MYO15B: variants seen among roughly 807,000 people sequenced by gnomAD.
MYO15B encodes the protein myosin XVB pseudogene.
MYO15B carries 207 observed loss-of-function variants against 119.3 expected under a neutral mutation model. The observed-to-expected ratio is 1.73, with a 90% CI of 1.55 to 1.95. The LOEUF is 1.95. MYO15B is among the 30% of genes most tolerant of loss of function. MYO15B has a pLI of 0.00. For synonymous variants in MYO15B, 966 were observed against 498.9 expected (o/e 1.94, Z -12.48); for missense variants, 2,264 against 1,203.1 (o/e 1.88, Z -13.04).
intron 23 of MYO15B, among the ~76,000 whole-genome samples, chr17:75,611,291 A>G (rs2058012631): frequency 6.6e-6 from 1 of 151,932 alleles, no homozygotes. Flanking sequence ...ACAAGACCCC[A>G]TCTCTACAAA....
In MYO15B at chr17:75,602,216, C is replaced by G. The variant is rs1598773618; in HGVS notation, c.3652-301C>G. On this transcript the variant is annotated intron_variant, in intron 15 of 63. Transcript: ENST00000645453. ...TCAAGAAAGCTAGGAAAATGTAAAT[C>G]AAAATAGATTTAATATGGAGAGACA... 6 of 476,386 alleles carry G rather than the reference C, an allele frequency of 1.3e-5. No individual in the cohort carries two copies. In the East Asian group the frequency reaches 2.4e-4, roughly 19 times the overall value. The allele number at this position is 476,386 out of a possible 1,614,324, so 29.5% of individuals were successfully genotyped here.
At chr17:75,604,585 T>A (rs1298978625) in intron 19 of MYO15B, among the ~76,000 whole-genome samples, 1 of 131,410 alleles carries the variant, frequency 7.6e-6, no homozygotes, top group African/African-American at 2.8e-5. Context: ...TGAGACCTAC[T>A]GTGTTGGGTG....
At chr17:75,599,609 G>A (rs2147817583) in intron 14 of MYO15B, among the ~76,000 whole-genome samples, 2 of 151,854 alleles carry the variant, frequency 1.3e-5, no homozygotes, top group East Asian at 3.9e-4. Context: ...GAAAGACTTG[G>A]TTAAAAGCAC....
At chr17:75,616,992 G>C (rs1345103493) in intron 40 of MYO15B, 31 bp downstream of exon 40, 1 of 702,724 alleles carries the variant, frequency 1.4e-6, no homozygotes, top group Non-Finnish European at 2.6e-6. Context: ...CCCCCAGAGT[G>C]TGTGCTGCTG....
In MYO15B at chr17:75,611,991, C is replaced by G. The variant is rs1049303320; in HGVS notation, c.4610C>G (p.Ser1537Cys). The stretch of plus-strand genomic sequence containing the variant: ...GCAGACATTGACCTGTTCCCTTTCT[C>G]CAGCTTCGTCGCCATCGGCTTTCAG... Residue 1537 changes from serine (S) to cysteine (C), a missense_variant, in exon 25 of 64, where the codon TCC becomes TGC. By Grantham distance (112) the Ser-to-Cys change is moderately radical. Transcript: ENST00000645453. The G allele has an allele frequency of 2.6e-5, 18 of 702,896 alleles. No individual in the cohort carries two copies. The Admixed American group carries it at 2.6e-4, about 10-fold the overall frequency. The allele number at this position is 702,896 out of a possible 1,614,324, so 43.5% of individuals were successfully genotyped here. A position where few individuals can be genotyped will look rare whatever the true frequency, so the allele number is the denominator to read the frequency against.
chr17:75,602,331 C>T (rs547610558), intron 15 of MYO15B, 186 bp from the exon 16 acceptor site: 1 of 696,426 alleles, frequency 1.4e-6, no homozygotes, highest in Non-Finnish European at 2.6e-6. Context: ...TGGACCTGTC[C>T]ATGGGGTGGA....
At position 75,588,489 on chromosome 17, in the gene MYO15B, G is replaced by A. The variant is rs1384536343; in HGVS notation, c.432G>A (p.Arg144=). 13 of 398,484 alleles carry A rather than the reference G, an allele frequency of 3.3e-5. No homozygotes were observed. The South Asian group carries it at 1.3e-3, about 39-fold the overall frequency. 24.7% of individuals were successfully genotyped at this position (398,484 alleles called of 1,614,324 possible). ...CTCGGCGGGGCCGCCGGACGCCCAG[G>A]AGCCTCAATGGGGACACGTCGGGTG... The change falls in exon 1 of 64, where the codon AGG becomes AGA. Residue 144 remains arginine, a synonymous_variant. Transcript: ENST00000645453.
At chr17:75,626,164 C>A in exon 63 of MYO15B, 1 of 703,086 alleles carries the variant, frequency 1.4e-6, no homozygotes, top group Non-Finnish European at 2.6e-6. Flanking sequence ...AAGGGGCCCC[C>A]TGGCCTGGAA....
intron 9 of MYO15B, among the ~76,000 whole-genome samples, chr17:75,593,866 C>G (rs1051128779): frequency 2.0e-5 from 3 of 147,840 alleles, no homozygotes; most frequent in Non-Finnish European, 4.4e-5. Flanking sequence ...TTGCAGTGAG[C>G]CAAGACTATG....
At position 75,618,179 on chromosome 17, in the gene MYO15B, T is replaced by A. The variant is rs575418732; in HGVS notation, c.6981T>A (p.Cys2327Ter). 1 of 703,152 alleles carries A rather than the reference T, an allele frequency of 1.4e-6. No individual in the cohort carries two copies. Among genetic ancestry groups the A allele is most frequent in the East Asian group, 2.7e-5 (1 of 37,296 alleles). The allele number at this position is 703,152 out of a possible 1,614,324, so 43.6% of individuals were successfully genotyped here. The change falls in exon 43 of 64, where the codon TGT (cysteine) becomes TGA (stop). Residue 2327 changes from cysteine to a stop codon, truncating the protein, a stop_gained. Coordinates refer to ENST00000645453, the Ensembl canonical transcript of MYO15B. LOFTEE classifies it high-confidence loss of function. ...ATCCCTACTACCTGAGGCTCCTCTG[T>A]GAGCAGGTGAGAGCTGGCCCACCTG...
At chr17:75,608,964 C>A (rs1017213286) in intron 21 of MYO15B, among the ~76,000 whole-genome samples, 1 of 151,498 alleles carries the variant, frequency 6.6e-6, no homozygotes, top group Non-Finnish European at 1.5e-5. Flanking sequence ...GAACTCCTGA[C>A]CTCGTGATCT....
chr17:75,592,435 C>A (rs2056534025), exon 8 of MYO15B: 2 of 619,476 alleles, frequency 3.2e-6, no homozygotes, highest in African/African-American at 1.8e-5. Flanking sequence ...AAGGCCCAGG[C>A]TGAGCGGAGC....
Position 75,614,376 on chromosome 17 carries a change from C to A in MYO15B, c.5381+16C>A. The stretch of plus-strand genomic sequence containing the variant: ...CTCTTGGCTCGTAGGTGCCACCCAG[C>A]ACCCCTCTCCCTGGCCTGCTCCTGC... On this transcript the variant is annotated intron_variant, in intron 30 of 63. Transcript: ENST00000645453. 1.4e-6 allele frequency: 1 copy of A among 700,970 alleles called. No individual in the cohort carries two copies. Among genetic ancestry groups the A allele is most frequent in the South Asian group, 1.5e-5 (1 of 67,454 alleles). The allele number at this position is 700,970 out of a possible 1,614,324, so 43.4% of individuals were successfully genotyped here.
chr17:75,598,991 C>G (rs1242851449), intron 14 of MYO15B, among the ~76,000 whole-genome samples: 1 of 152,190 alleles, frequency 6.6e-6, no homozygotes, highest in South Asian at 2.1e-4. Context: ...GGCAAGTTCC[C>G]CCATGCACTT....
chr17:75,625,757 C>G (rs1339345373), intron 61 of MYO15B, 87 bp from the exon 62 acceptor site: 3 of 701,014 alleles, frequency 4.3e-6, no homozygotes, highest in Non-Finnish European at 7.8e-6. Context: ...CCTGCCCTGT[C>G]CCTCTCAGCT....
At chr17:75,611,006 G>A (rs2057993260) in intron 23 of MYO15B, 47 bp downstream of exon 23, 1 of 702,680 alleles carries the variant, frequency 1.4e-6, no homozygotes, top group Admixed American at 2.0e-5. Flanking sequence ...CTATGAACCT[G>A]CTGAGACTGG....
Position 75,626,130 on chromosome 17 carries a change from C to T in MYO15B, c.9115C>T (p.His3039Tyr), listed in dbSNP as rs1230201379. The change falls in exon 63 of 64, where the codon CAC becomes TAC. Residue 3039 changes from histidine to tyrosine, a missense_variant. Coordinates refer to ENST00000645453, the Ensembl canonical transcript of MYO15B. ...TGCCCTGAAGAGCCTGCAGCGGCTC[C>T]ACCTGCTAAGCCCTCTGGAGGAGAA... The T allele has an allele frequency of 4.3e-5, 30 of 702,974 alleles. No individual in the cohort carries two copies. The Admixed American group carries it at 5.4e-4, about 13-fold the overall frequency. 43.5% of individuals were successfully genotyped at this position (702,974 alleles called of 1,614,324 possible).
chr17:75,608,102 C>T (rs532848943), intron 21 of MYO15B, among the ~76,000 whole-genome samples: 4 of 152,036 alleles, frequency 2.6e-5, no homozygotes, highest in Non-Finnish European at 5.9e-5. Flanking sequence ...TTCTCCTCTG[C>T]CCGTTTTTAG....
exon 63 of MYO15B, chr17:75,626,186 C>G (rs962046214): frequency 6.7e-5 from 47 of 702,968 alleles, no homozygotes; most frequent in Admixed American, 1.0e-4. Context: ...TCAACTATGG[C>G]TCAGCTGACA....
Sources: allele counts gnomAD v4.1 joint callset (sites outside exome capture counted in the v4.1 genomes callset), GRCh38; gene constraint gnomAD v4.1.1; transcripts MANE v1.5; gene names NCBI Gene and HGNC (gene_info 2026-07-23, HGNC 2026-07-21).